Variants in POP1 observed in about 807,000 individuals in gnomAD.
POP1 encodes POP1 ribonuclease P/MRP subunit.
Under a neutral mutation model 102.2 loss-of-function variants are expected in POP1, and 75 were observed. The ratio of observed to expected loss-of-function variants is 0.73; its 90% CI spans 0.61 to 0.89. The LOEUF (loss-of-function observed/expected upper bound fraction) is 0.89, where lower values mean the gene tolerates loss of function less well. POP1 is among the 40% of genes least tolerant of loss of function. The pLI is 0.00. For synonymous variants in POP1, 436 were observed against 464.1 expected, an observed-to-expected ratio of 0.94 and a Z score of 0.78; for missense variants, 1,116 against 1,267.4, an observed-to-expected ratio of 0.88 and a Z score of 1.81.
chr8:98,150,233 A>G (rs1317075470), intron 13 of POP1, among the ~76,000 whole-genome samples: 1 of 152,222 alleles, frequency 6.6e-6, no homozygotes, highest in Non-Finnish European at 1.5e-5. Context: ...TAAAGTATAT[A>G]CCTTACTGTA....
At chr8:98,153,503 T>C (rs1399882057) in intron 14 of POP1, among the ~76,000 whole-genome samples, 1 of 149,292 alleles carries the variant, frequency 6.7e-6, no homozygotes, top group Admixed American at 6.7e-5. Flanking sequence ...TTTGGCTATC[T>C]TCCAACTAGA....
At chr8:98,134,996 G>A (rs1260222901) in intron 7 of POP1, among the ~76,000 whole-genome samples, 1 of 152,138 alleles carries the variant, frequency 6.6e-6, no homozygotes, top group African/African-American at 2.4e-5. Flanking sequence ...ATGAAGTCAG[G>A]GCGGGGCATG....
At chr8:98,154,788 A>G (rs977991999) in intron 14 of POP1, among the ~76,000 whole-genome samples, 19 of 152,210 alleles carry the variant, frequency 1.2e-4, no homozygotes, top group Non-Finnish European at 2.4e-4. Context: ...ATTAGGGCAT[A>G]TTCATTCAGT....
At position 98,158,450 on chromosome 8, in the gene POP1, T is replaced by A; in HGVS notation, c.*179T>A. On this transcript the variant is annotated 3_prime_UTR_variant, in exon 16 of 16. Coordinates refer to ENST00000401707, the MANE Select transcript of POP1 (RefSeq NM_001145860.2). ...TACATCATTCCAGTAATGTCATTGA[T>A]TTTCATCTTTCCCTGTCCTTGCTGT... 1.4e-6 allele frequency: 1 copy of A among 690,114 alleles called. No individual in the cohort carries two copies. Among genetic ancestry groups the A allele is most frequent in the South Asian group, 1.8e-5 (1 of 54,126 alleles). The allele number at this position is 690,114 out of a possible 1,614,324, so 42.7% of individuals were successfully genotyped here. A position where few individuals can be genotyped will look rare whatever the true frequency, so the allele number is the denominator to read the frequency against.
chr8:98,146,781 C>T (rs1816856297), intron 12 of POP1, 98 bp downstream of exon 12: 2 of 919,352 alleles, frequency 2.2e-6, no homozygotes, highest in Non-Finnish European at 3.5e-6. Context: ...TCATAGAATT[C>T]CATAGACTTT....
chr8:98,157,700 G>T lies in POP1; in HGVS notation c.2504G>T (p.Arg835Ile). 1 of 1,614,234 alleles carries T rather than the reference G, an allele frequency of 6.2e-7. No homozygotes were observed. The highest frequency in any genetic ancestry group is 8.5e-7 in the Non-Finnish European group (1 of 1,180,048). Residue 835 changes from arginine (R) to isoleucine (I), a missense_variant, in exon 16 of 16, where the codon AGA becomes ATA. Arg to Ile is a moderately conservative substitution (Grantham distance 97, BLOSUM62 -3). Coordinates refer to ENST00000401707, the MANE Select transcript of POP1 (RefSeq NM_001145860.2). ...CGGGGAGGCCGGCGAGCTCCCGGCA[G>T]AGGCCAGCAAGGATTGACCAGAGAG... ...DSRGGRRAPG[R>I]GQQGLTREAC...
chr8:98,152,579 A>G (rs906400006), intron 14 of POP1, among the ~76,000 whole-genome samples: 1 of 151,776 alleles, frequency 6.6e-6, no homozygotes, highest in Admixed American at 6.6e-5. Flanking sequence ...TATAATTTTC[A>G]TGTGTCGTGA....
chr8:98,127,920 C>T (rs1816259156), intron 3 of POP1, among the ~76,000 whole-genome samples, 158 bp downstream of exon 3: 1 of 152,212 alleles, frequency 6.6e-6, no homozygotes, highest in South Asian at 2.1e-4. Context: ...GGACTTTGGC[C>T]AGAGCTTCCT....
chr8:98,144,930 C>T (rs149834506), intron 11 of POP1, among the ~76,000 whole-genome samples: 3,432 of 152,226 alleles, frequency 0.023, 69 homozygotes, highest in Middle Eastern at 0.068. Flanking sequence ...CTCTGTCACC[C>T]AGGCTGGAGT....
chr8:98,152,860 T>C (rs1422035898), intron 14 of POP1, among the ~76,000 whole-genome samples: 1 of 152,270 alleles, frequency 6.6e-6, no homozygotes, highest in African/African-American at 2.4e-5. Flanking sequence ...ATTTATTCCT[T>C]CATTTAACAT....
In POP1 at chr8:98,158,219, G is replaced by A. The variant is rs763173714; in HGVS notation, c.3023G>A (p.Arg1008Lys). ...PAAQRGLVLL[R>K]PPASLQYRFA... is the part of the protein sequence containing the mutation. The stretch of plus-strand genomic sequence containing the variant: ...GCGCAGAGGGGCTTAGTGCTACTGA[G>A]GCCTCCCGCCTCTCTGCAGTATCGA... Residue 1008 changes from arginine (R) to lysine (K), a missense_variant, in exon 16 of 16, where the codon AGG becomes AAG. Coordinates refer to ENST00000401707, the MANE Select transcript of POP1 (RefSeq NM_001145860.2). 5 of 1,611,558 alleles carry A rather than the reference G, an allele frequency of 3.1e-6. No individual in the cohort carries two copies. The highest frequency in any genetic ancestry group is 4.2e-6 in the Non-Finnish European group (5 of 1,180,018).
In POP1 at chr8:98,134,008, G is replaced by A. The variant is rs767909397; in HGVS notation, c.795G>A (p.Ala265=). The change falls in exon 6 of 16, where the codon GCG becomes GCA. Residue 265 remains alanine (A), a synonymous_variant. Coordinates refer to ENST00000401707, the MANE Select transcript of POP1 (RefSeq NM_001145860.2). ...GCAAAGAGGAAGAAATACTAAAGGC[G>A]CTTTCTGGAATGTGTAACATAGACA... ...LKGKEEEILK[A]LSGMCNIDTG... The A allele has an allele frequency of 4.3e-6, 7 of 1,612,842 alleles. No homozygotes were observed. Among genetic ancestry groups the A allele is most frequent in the Admixed American group, 3.3e-5 (2 of 60,016 alleles).
chr8:98,127,869 C>A, intron 3 of POP1, 107 bp downstream of exon 3: 1 of 1,183,438 alleles, frequency 8.4e-7, no homozygotes, highest in Admixed American at 1.8e-5. Context: ...CCCTACCTCT[C>A]CTCTCCTCCT....
chr8:98,136,315 A>G (rs971904490), intron 7 of POP1, among the ~76,000 whole-genome samples, 167 bp from the exon 8 acceptor site: 4 of 151,862 alleles, frequency 2.6e-5, no homozygotes, highest in Admixed American at 6.6e-5. Context: ...ATCTCAGGTA[A>G]TCTACCCACC....
At chr8:98,137,639 C>T (rs2034596) in intron 9 of POP1, among the ~76,000 whole-genome samples, 15,381 of 152,098 alleles carry the variant, frequency 0.1, 1,470 homozygotes, top group African/African-American at 0.25. Flanking sequence ...AGGTTAAGAG[C>T]AGTATGTCTA....
At chr8:98,143,426 C>G (rs1816758389) in intron 11 of POP1, among the ~76,000 whole-genome samples, 1 of 152,152 alleles carries the variant, frequency 6.6e-6, no homozygotes. Flanking sequence ...CCATGAACCT[C>G]CATCCCCTTC....
intron 3 of POP1, 101 bp downstream of exon 3, chr8:98,127,863 A>ACCTCT: frequency 8.0e-7 from 1 of 1,247,954 alleles, no homozygotes; most frequent in South Asian, 1.2e-5. Context: ...TGCCTCCCCT[A>ACCTCT]CCTCTCCTCT....
At chr8:98,124,239 C>A (rs114464477) in intron 2 of POP1, among the ~76,000 whole-genome samples, 2,695 of 152,234 alleles carry the variant, frequency 0.018, 80 homozygotes, top group African/African-American at 0.062. Context: ...GAAATAAACT[C>A]TACCAGGAGG....
chr8:98,140,819 G>T lies in POP1; in HGVS notation c.1525G>T (p.Val509Phe), dbSNP rs1337474323. 3 of 1,613,746 alleles carry T rather than the reference G, an allele frequency of 1.9e-6. No homozygotes were observed. The highest frequency in any genetic ancestry group is 2.5e-6 in the Non-Finnish European group (3 of 1,179,732). Reference protein sequence around the residue: ...IPAGTILGLTVGDPRINLPQK... With the variant: ...IPAGTILGLTFGDPRINLPQK... ...GGCAGGTACTATTCTGGGACTGACAGTTGGGGATCCTCGAATAAATTTGCC... is the reference window on the plus strand; with the variant it reads ...GGCAGGTACTATTCTGGGACTGACATTTGGGGATCCTCGAATAAATTTGCC... The change falls in exon 11 of 16, where the codon GTT becomes TTT. Residue 509 changes from valine to phenylalanine, a missense_variant. Val to Phe is a conservative substitution (Grantham distance 50). Transcript: ENST00000401707.
Sources: allele counts gnomAD v4.1 joint callset (sites outside exome capture counted in the v4.1 genomes callset), GRCh38; gene constraint gnomAD v4.1.1; transcripts MANE v1.5; gene names NCBI Gene and HGNC (gene_info 2026-07-23, HGNC 2026-07-21).